The following KTN1 variants were observed in gnomAD, a reference collection of about 807,000 sequenced individuals.
The protein encoded by KTN1 is kinectin.
Under a neutral mutation model 222.5 loss-of-function variants are expected in KTN1, and 130 were observed. The observed-to-expected ratio is 0.58, with a 90% CI of 0.51 to 0.68. The LOEUF (loss-of-function observed/expected upper bound fraction) is 0.68. KTN1 is among the 30% of genes least tolerant of loss of function. The pLI is 0.00. For synonymous variants in KTN1, 512 were observed against 496.3 expected, an observed-to-expected ratio of 1.03 and a Z score of -0.42; for missense variants, 1,508 against 1,500.4, an observed-to-expected ratio of 1.01 and a Z score of -0.08.
chr14:55,619,604 A>G (rs920942805), intron 5 of KTN1, among the ~76,000 whole-genome samples: 11 of 152,198 alleles, frequency 7.2e-5, no homozygotes, highest in Non-Finnish European at 1.3e-4. Flanking sequence ...CACGTCTTAT[A>G]TGGTGGCAGG....
intron 41 of KTN1, among the ~76,000 whole-genome samples, chr14:55,676,210 T>A (rs1485714455): frequency 6.6e-6 from 1 of 152,188 alleles, no homozygotes; most frequent in Non-Finnish European, 1.5e-5. Context: ...ATCCATATAT[T>A]TTTTAAAATT....
At chr14:55,595,288 A>G (rs1017674664) in intron 1 of KTN1, among the ~76,000 whole-genome samples, 4 of 152,230 alleles carry the variant, frequency 2.6e-5, no homozygotes, top group Non-Finnish European at 2.9e-5. Flanking sequence ...AACAGTCACT[A>G]ATACCAAAAA....
chr14:55,598,015 G>A (rs1345691550), intron 1 of KTN1, among the ~76,000 whole-genome samples: 1 of 152,092 alleles, frequency 6.6e-6, no homozygotes, highest in African/African-American at 2.4e-5. Flanking sequence ...CTTTGTATAC[G>A]GAAGCTTGGA....
At chr14:55,585,530 A>G (rs1566646493) in intron 1 of KTN1, among the ~76,000 whole-genome samples, 1 of 152,196 alleles carries the variant, frequency 6.6e-6, no homozygotes, top group Non-Finnish European at 1.5e-5. Context: ...AGCATTATCT[A>G]TGATTTCTAG....
chr14:55,682,042 T>C (rs1282684820), intron 43 of KTN1: 2 of 152,168 alleles, frequency 1.3e-5, no homozygotes, highest in Non-Finnish European at 2.9e-5. Flanking sequence ...TTTAAAAATA[T>C]ACACAAGTAC....
chr14:55,641,229 A>G, intron 17 of KTN1, 21 bp downstream of exon 17: 3 of 1,438,412 alleles, frequency 2.1e-6, no homozygotes, highest in Non-Finnish European at 1.9e-6. Flanking sequence ...AAGCTTGTAC[A>G]CTCAGGTTTC....
intron 2 of KTN1, among the ~76,000 whole-genome samples, chr14:55,613,271 T>C (rs2037859063): frequency 1.3e-5 from 2 of 152,116 alleles, no homozygotes; most frequent in African/African-American, 4.8e-5. Flanking sequence ...AAGCAAGTAA[T>C]GCCAGAAATT....
chr14:55,680,668 C>A (rs776136238), intron 43 of KTN1: 11 of 1,356,164 alleles, frequency 8.1e-6, no homozygotes, highest in South Asian at 2.3e-5. Context: ...CTTACAGGAG[C>A]GTTTTGTCTC....
chr14:55,649,683 T>G, intron 21 of KTN1, 93 bp from the exon 22 acceptor site: 1 of 748,112 alleles, frequency 1.3e-6, no homozygotes, highest in Non-Finnish European at 2.2e-6. Flanking sequence ...GGATTTTGAT[T>G]GTATTGGAAA....
At chr14:55,584,599 T>C (rs1314119122) in intron 1 of KTN1, among the ~76,000 whole-genome samples, 2 of 152,220 alleles carry the variant, frequency 1.3e-5, no homozygotes, top group Non-Finnish European at 2.9e-5. Flanking sequence ...TATTTAAAAC[T>C]GCACTCCCCT....
chr14:55,672,756 G>C, intron 38 of KTN1, 55 bp downstream of exon 38: 1 of 1,252,490 alleles, frequency 8.0e-7, no homozygotes, highest in Non-Finnish European at 1.2e-6. Flanking sequence ...TAGCATTAAC[G>C]GTTGTCTGAA....
intron 7 of KTN1, among the ~76,000 whole-genome samples, chr14:55,631,448 T>G (rs931485493): frequency 6.6e-6 from 1 of 151,310 alleles, no homozygotes; most frequent in African/African-American, 2.4e-5. Context: ...TTGAATCCTG[T>G]GACTTTTCTC....
chr14:55,590,884 A>C (rs1408873057), intron 1 of KTN1, among the ~76,000 whole-genome samples: 2 of 151,884 alleles, frequency 1.3e-5, no homozygotes, highest in South Asian at 2.1e-4. Context: ...CCATGTTGGC[A>C]AGGCTGGTCT....
At chr14:55,616,764 T>C (rs1345082796) in intron 3 of KTN1, 110 bp downstream of exon 3, 1 of 844,906 alleles carries the variant, frequency 1.2e-6, no homozygotes, top group Non-Finnish European at 1.8e-6. Flanking sequence ...TGTGTGCTAA[T>C]GACAACTGTA....
At chr14:55,676,282 GAT>G (rs2045884594) in intron 41 of KTN1, among the ~76,000 whole-genome samples, 1 of 152,012 alleles carries the variant, frequency 6.6e-6, no homozygotes, top group Non-Finnish European at 1.5e-5. Flanking sequence ...ATAAAACAAA[GAT>G]ATAAATTTCT....
At chr14:55,661,724 A>G in intron 32 of KTN1, 112 bp downstream of exon 32, 1 of 556,100 alleles carries the variant, frequency 1.8e-6, no homozygotes, top group Non-Finnish European at 3.1e-6. Context: ...TAATCTTTGT[A>G]AGAAAGTACT....
chr14:55,672,897 G>A (rs2045570231), intron 38 of KTN1, 32 bp from the exon 39 acceptor site: 6 of 1,536,544 alleles, frequency 3.9e-6, no homozygotes, highest in Non-Finnish European at 5.4e-6. Flanking sequence ...GAAATTTTAA[G>A]TGTGTTAACT....
At position 55,603,445 on chromosome 14, in the gene KTN1, T is replaced by C. The variant is rs7142420; in HGVS notation, c.-30-8574T>C. 4.5e-4 allele frequency among the ~76,000 whole-genome samples: 68 copies of C among 152,350 alleles called. No individual in the cohort carries two copies. The East Asian group carries it at 4.6e-3, about 10-fold the overall frequency. Reference sequence around the variant, plus strand: ...TCAATTACTAGTTTTCATTGTATTTTACTTACCAACCCCATTTGACAAAAT... The same window carrying C: ...TCAATTACTAGTTTTCATTGTATTTCACTTACCAACCCCATTTGACAAAAT... On this transcript the variant is annotated intron_variant, in intron 1 of 43. Coordinates refer to ENST00000395314, the MANE Select transcript of KTN1 (RefSeq NM_001079521.2).
At chr14:55,680,849 G>A (rs1300138532) in intron 43 of KTN1, 1 of 494,020 alleles carries the variant, frequency 2.0e-6, no homozygotes, top group African/African-American at 2.0e-5. Context: ...TTGGTAAGCT[G>A]ACTTCTCCAG....
Sources: allele counts gnomAD v4.1 joint callset (sites outside exome capture counted in the v4.1 genomes callset), GRCh38; gene constraint gnomAD v4.1.1; transcripts MANE v1.5; gene names NCBI Gene and HGNC (gene_info 2026-07-23, HGNC 2026-07-21).